The following CDHR1 variants were observed in gnomAD, a reference collection of about 807,000 sequenced individuals.
CDHR1 encodes the protein cadherin-related family member 1.
In CDHR1, 61 loss-of-function variants were observed where a neutral mutation model predicts 72.1. The ratio of observed to expected loss-of-function variants is 0.85; its 90% CI spans 0.69 to 1.05. The LOEUF (loss-of-function observed/expected upper bound fraction) is 1.05, where lower values mean the gene tolerates loss of function less well. Among genes scored for constraint, CDHR1 ranks in the 50% least tolerant of loss-of-function variants. CDHR1 has a pLI of 0.00. For missense variants in CDHR1, 1,186 were observed against 1,115.7 expected (o/e 1.06, Z -0.90); for synonymous variants, 470 against 448.1 (o/e 1.05, Z -0.62).
Position 84,216,319 on chromosome 10 carries a change from C to A in CDHR1, c.*1698C>A. 1.0e-6 allele frequency: 1 copy of A among 985,482 alleles called. No homozygotes were observed. Among genetic ancestry groups the A allele is most frequent in the Non-Finnish European group, 1.2e-6 (1 of 829,952 alleles). 61.0% of individuals were successfully genotyped at this position (985,482 alleles called of 1,614,324 possible). A position where few individuals can be genotyped will look rare whatever the true frequency, so the allele number is the denominator to read the frequency against. ...TGCAGAATCCTTGCTGGGGTTTCTA[C>A]AGTCCCCAACGTGAACAGTATTAAG... On this transcript the variant is annotated 3_prime_UTR_variant, in exon 17 of 17. Coordinates refer to ENST00000623527, the MANE Select transcript of CDHR1 (RefSeq NM_033100.4).
chr10:84,202,962 C>G lies in CDHR1; in HGVS notation c.640-18C>G. ...TCAACTTGTCTTCACTCTCCTGTGGCCTCCGATTCTTCTGCAGGATGGCGG... is the reference window on the plus strand; with the variant it reads ...TCAACTTGTCTTCACTCTCCTGTGGGCTCCGATTCTTCTGCAGGATGGCGG... On this transcript the variant is annotated intron_variant, in intron 7 of 16. Transcript: ENST00000623527. 1.9e-6 allele frequency: 3 copies of G among 1,614,170 alleles called. No homozygotes were observed. The highest frequency in any genetic ancestry group is 2.5e-6 in the Non-Finnish European group (3 of 1,180,010).
chr10:84,211,492 C>G (rs1452597215), intron 13 of CDHR1, among the ~76,000 whole-genome samples, 156 bp from the exon 14 acceptor site: 1 of 152,170 alleles, frequency 6.6e-6, no homozygotes, highest in Non-Finnish European at 1.5e-5. Context: ...TGGAGGAAAA[C>G]TAGGGATCCC....
At chr10:84,219,555 C>T, downstream of CDHR1, 1 of 387,032 alleles carries the variant, frequency 2.6e-6, no homozygotes, top group African/African-American at 2.1e-5. Context: ...GATCCGTAGA[C>T]CACTGTATTA....
chr10:84,211,656 T>G lies in CDHR1; in HGVS notation c.1494T>G (p.Asp498Glu). 6.2e-7 allele frequency: 1 copy of G among 1,614,078 alleles called. No homozygotes were observed. The highest frequency in any genetic ancestry group is 8.5e-7 in the Non-Finnish European group (1 of 1,179,976). ...GSSVVAVTAV[D>E]PDTGPWGEVK... The stretch of plus-strand genomic sequence containing the variant: ...GGCTCTTTCTCTTCCAGGCTGTGGA[T>G]CCAGATACAGGACCCTGGGGCGAAG... The change falls in exon 14 of 17, where the codon GAT becomes GAG. Residue 498 changes from aspartate (D) to glutamate (E), a missense_variant. Transcript: ENST00000623527.
downstream of CDHR1, chr10:84,219,530 TG>T (rs1172012521): frequency 2.2e-6 from 1 of 462,698 alleles, no homozygotes; most frequent in Non-Finnish European, 3.7e-6. Flanking sequence ...TATTTCATGA[TG>T]GTGACACCCT....
rs1275825975 is a variant in CDHR1, at chr10:84,195,681, C to G, written c.151+92C>G. ...AGTGCCCCAGGCACCACCCAAGTTG[C>G]TGCGCGCGCCCGGGGGCTCCTTGTT... On this transcript the variant is annotated intron_variant, in intron 2 of 16. Transcript: ENST00000623527. The G allele has an allele frequency of 2.8e-6, 3 of 1,079,384 alleles. No individual in the cohort carries two copies. In the Admixed American group the frequency reaches 5.8e-5, roughly 21 times the overall value. The allele number at this position is 1,079,384 out of a possible 1,614,324, so 66.9% of individuals were successfully genotyped here. A position where few individuals can be genotyped will look rare whatever the true frequency, so the allele number is the denominator to read the frequency against.
chr10:84,204,803 C>T (rs1039018822), intron 9 of CDHR1, among the ~76,000 whole-genome samples, 198 bp downstream of exon 9: 3 of 152,192 alleles, frequency 2.0e-5, no homozygotes, highest in East Asian at 1.9e-4. Context: ...TATCCAACAG[C>T]CAAGAGAGCA....
At chr10:84,205,210 A>G (rs540842056) in intron 9 of CDHR1, among the ~76,000 whole-genome samples, 6 of 152,260 alleles carry the variant, frequency 3.9e-5, no homozygotes, top group African/African-American at 1.4e-4. Flanking sequence ...GCCTGGTACC[A>G]GAAGTGTGCA....
intron 12 of CDHR1, among the ~76,000 whole-genome samples, chr10:84,210,732 A>G (rs1842313607): frequency 1.3e-5 from 2 of 152,226 alleles, no homozygotes; most frequent in South Asian, 4.1e-4. Flanking sequence ...TTGGAACTGG[A>G]AAGGATATGC....
chr10:84,211,344 T>C (rs1202802089), intron 13 of CDHR1, among the ~76,000 whole-genome samples, 179 bp downstream of exon 13: 1 of 152,202 alleles, frequency 6.6e-6, no homozygotes, highest in Non-Finnish European at 1.5e-5. Context: ...TTACAACACC[T>C]CACAGGACAG....
intron 3 of CDHR1, 28 bp from the exon 4 acceptor site, chr10:84,197,758 A>T: frequency 6.2e-7 from 1 of 1,610,646 alleles, no homozygotes; most frequent in East Asian, 2.2e-5. Flanking sequence ...AGACTCCTGG[A>T]CACTCACTCA....
At chr10:84,199,779 C>T (rs1195974395) in intron 5 of CDHR1, among the ~76,000 whole-genome samples, 7 of 152,168 alleles carry the variant, frequency 4.6e-5, no homozygotes. Flanking sequence ...AGGGTGTTGC[C>T]AGATTGCTTT....
chr10:84,209,895 T>A (rs766202140), intron 12 of CDHR1, among the ~76,000 whole-genome samples: 20 of 152,222 alleles, frequency 1.3e-4, no homozygotes, highest in Non-Finnish European at 2.8e-4. Context: ...AAGGCATACC[T>A]TGTTTAAAAA....
At chr10:84,196,379 C>T in intron 2 of CDHR1, 126 bp from the exon 3 acceptor site, 1 of 1,006,352 alleles carries the variant, frequency 9.9e-7, no homozygotes, top group Non-Finnish European at 1.6e-6. Flanking sequence ...AAGTTCAGGG[C>T]AGTACCTTTG....
intron 10 of CDHR1, among the ~76,000 whole-genome samples, chr10:84,207,540 T>C (rs1842248666): frequency 6.6e-6 from 1 of 152,202 alleles, no homozygotes; most frequent in African/African-American, 2.4e-5. Flanking sequence ...AAAGGTGGTC[T>C]TGAAGAGGTT....
At chr10:84,205,592 T>C in intron 9 of CDHR1, 1 of 591,556 alleles carries the variant, frequency 1.7e-6, no homozygotes, top group South Asian at 1.9e-5. Flanking sequence ...AGGGACACAG[T>C]ATGGAATGTG....
chr10:84,211,281 G>A, intron 13 of CDHR1, 116 bp downstream of exon 13: 1 of 1,106,012 alleles, frequency 9.0e-7, no homozygotes, highest in South Asian at 1.4e-5. Flanking sequence ...GCTGTCCTTG[G>A]ACAAGCTACT....
Position 84,216,055 on chromosome 10 carries a change from T to C in CDHR1, c.*1434T>C, listed in dbSNP as rs1842421198. The C allele has an allele frequency of 2.0e-6, 2 of 985,316 alleles. No individual in the cohort carries two copies. The highest frequency in any genetic ancestry group is 6.1e-5 in the Admixed American group (1 of 16,268). 61.0% of individuals were successfully genotyped at this position (985,316 alleles called of 1,614,324 possible). A position where few individuals can be genotyped will look rare whatever the true frequency, so the allele number is the denominator to read the frequency against. On this transcript the variant is annotated 3_prime_UTR_variant, in exon 17 of 17. Coordinates refer to ENST00000623527, the MANE Select transcript of CDHR1 (RefSeq NM_033100.4). ...GTGACAACCTTCCCCAGGACAGAAG[T>C]CATACAAGGCCTCTGGGGTTAATAC...
intron 10 of CDHR1, among the ~76,000 whole-genome samples, chr10:84,206,926 T>G (rs776725977): frequency 6.6e-6 from 1 of 152,084 alleles, no homozygotes; most frequent in African/African-American, 2.4e-5. Context: ...AAAGTATGCA[T>G]GAGGCAGATT....
Sources: allele counts gnomAD v4.1 joint callset (sites outside exome capture counted in the v4.1 genomes callset), GRCh38; gene constraint gnomAD v4.1.1; transcripts MANE v1.5; gene names NCBI Gene and HGNC (gene_info 2026-07-23, HGNC 2026-07-21).